The following MSI2 variants were observed in gnomAD, a reference collection of about 807,000 sequenced individuals.
The protein encoded by MSI2 is musashi RNA binding protein 2, also known as RNA-binding protein Musashi homolog 2.
Under a neutral mutation model 45.6 loss-of-function variants are expected in MSI2, and 17 were observed. The ratio of observed to expected loss-of-function variants is 0.37; its 90% CI spans 0.26 to 0.56. MSI2 has a LOEUF of 0.56. MSI2 is among the 20% of genes least tolerant of loss of function. MSI2 has a pLI of 0.77. For missense variants in MSI2, 293 were observed against 444.2 expected (o/e 0.66, Z 3.06); for synonymous variants, 156 against 158.2 (o/e 0.99, Z 0.11).
Position 57,529,810 on chromosome 17 carries a change from C to T in MSI2, c.454+86C>T. On this transcript the variant is annotated intron_variant, in intron 7 of 13. Transcript: ENST00000284073. The surrounding 1 kb of genome is among the most constrained non-coding windows in gnomAD (Gnocchi z 5.3). ...TCCCCAGTCCCACTGACAAAAGATA[C>T]AGTGAAGAGTCCAGAGTCAAGCAGG... is the stretch of plus-strand genomic sequence containing the variant. 3.5e-6 allele frequency: 4 copies of T among 1,132,856 alleles called. No individual in the cohort carries two copies. Among genetic ancestry groups the T allele is most frequent in the Non-Finnish European group, 5.2e-6 (4 of 770,924 alleles). 70.2% of individuals were successfully genotyped at this position (1,132,856 alleles called of 1,614,324 possible). A position where few individuals can be genotyped will look rare whatever the true frequency, so the allele number is the denominator to read the frequency against.
chr17:57,699,609 G>A, the MSI2 span, among the ~76,000 whole-genome samples: 1 of 152,074 alleles, frequency 6.6e-6, no homozygotes, highest in South Asian at 2.1e-4. Context: ...GTTCTTTGAT[G>A]GTCAGAATTG....
At chr17:57,365,712 A>G (rs1219521259) in intron 5 of MSI2, among the ~76,000 whole-genome samples, 1 of 152,122 alleles carries the variant, frequency 6.6e-6, no homozygotes, top group Non-Finnish European at 1.5e-5. Context: ...TAGTGTGAGA[A>G]AGGCTGGCAA....
At chr17:57,518,639 C>T (rs2086520511) in intron 6 of MSI2, among the ~76,000 whole-genome samples, 1 of 152,228 alleles carries the variant, frequency 6.6e-6, no homozygotes, top group South Asian at 2.1e-4. Flanking sequence ...TTGCCTCTCT[C>T]CTCTGGAGCT....
At chr17:57,439,939 G>C (rs1567824215) in intron 6 of MSI2, among the ~76,000 whole-genome samples, 1 of 152,062 alleles carries the variant, frequency 6.6e-6, no homozygotes, top group Non-Finnish European at 1.5e-5. Flanking sequence ...GTGATGCTTG[G>C]GGTGGGATAA....
At chr17:57,456,321 C>T (rs1455976532) in intron 6 of MSI2, among the ~76,000 whole-genome samples, 1 of 152,200 alleles carries the variant, frequency 6.6e-6, no homozygotes, top group Non-Finnish European at 1.5e-5. Context: ...AAGAACATCA[C>T]AGCTTTGGCC....
intron 10 of MSI2, among the ~76,000 whole-genome samples, chr17:57,648,162 TG>T (rs1424661010): frequency 8.6e-4 from 129 of 150,066 alleles, no homozygotes; most frequent in African/African-American, 3.1e-3. Context: ...TGTGTGTGTG[TG>T]TGTGTGTGTG....
intron 11 of MSI2, among the ~76,000 whole-genome samples, chr17:57,661,465 A>G (rs1194535882): frequency 6.6e-6 from 1 of 151,994 alleles, no homozygotes; most frequent in Non-Finnish European, 1.5e-5. Flanking sequence ...CAGGAGAGGG[A>G]GGTTCGTATT....
At chr17:57,604,739 A>C (rs147894527) in intron 8 of MSI2, among the ~76,000 whole-genome samples, 151 of 152,272 alleles carry the variant, frequency 9.9e-4, no homozygotes, top group Non-Finnish European at 1.8e-3. Context: ...GAAGGATAAG[A>C]AGGGAGGAGG....
chr17:57,632,212 TG>T lies in MSI2; in HGVS notation c.727+4913del, dbSNP rs367765148. 1,707 of 1,116,330 alleles carry T rather than the reference TG, an allele frequency of 1.5e-3. 19 individuals are homozygous for T. In the African/African-American group the frequency reaches 0.024, roughly 16 times the overall value. The allele number at this position is 1,116,330 out of a possible 1,614,324, so 69.2% of individuals were successfully genotyped here. A position where few individuals can be genotyped will look rare whatever the true frequency, so the allele number is the denominator to read the frequency against. Reference sequence around the variant, plus strand: ...AAACAGGCTTGTTGGGGACATATCATGGGGTGAGCTTTGAAGTGCTGGTGGT... The same window carrying T: ...AAACAGGCTTGTTGGGGACATATCATGGGTGAGCTTTGAAGTGCTGGTGGT... On this transcript the variant is annotated intron_variant, in intron 10 of 13. Transcript: ENST00000284073.
chr17:57,355,581 C>A (rs1334298206), intron 5 of MSI2, among the ~76,000 whole-genome samples: 1 of 152,208 alleles, frequency 6.6e-6, no homozygotes, highest in Non-Finnish European at 1.5e-5. Context: ...AACACAGACT[C>A]CTGAATTATA....
intron 5 of MSI2, among the ~76,000 whole-genome samples, chr17:57,384,929 G>T (rs962645476): frequency 6.6e-6 from 1 of 152,056 alleles, no homozygotes; most frequent in Non-Finnish European, 1.5e-5. Context: ...ATCTCAATTG[G>T]TGACACCACC....
At chr17:57,675,938 C>T (rs1913198510) in intron 12 of MSI2, among the ~76,000 whole-genome samples, 1 of 152,210 alleles carries the variant, frequency 6.6e-6, no homozygotes, top group South Asian at 2.1e-4. Context: ...CATGAATGTG[C>T]CTGAGCCCAC....
At chr17:57,355,879 C>G (rs765011461) in intron 5 of MSI2, among the ~76,000 whole-genome samples, 4 of 152,076 alleles carry the variant, frequency 2.6e-5, no homozygotes, top group Non-Finnish European at 5.9e-5. Flanking sequence ...ATGACATAGG[C>G]TATGTTTCCC....
intron 7 of MSI2, among the ~76,000 whole-genome samples, chr17:57,548,461 A>G (rs1382955946): frequency 2.0e-5 from 3 of 152,188 alleles, no homozygotes; most frequent in African/African-American, 7.2e-5. Flanking sequence ...AGAAAGGGTA[A>G]TTAATAGGCT....
chr17:57,569,873 G>C (rs576755794), intron 7 of MSI2, among the ~76,000 whole-genome samples: 31 of 152,280 alleles, frequency 2.0e-4, no homozygotes. Flanking sequence ...GTGCAGTGCA[G>C]GATCCTAAGA....
chr17:57,358,200 G>GTGTGT (rs1567778446), intron 5 of MSI2, among the ~76,000 whole-genome samples: 1,167 of 41,912 alleles, frequency 0.028, 10 homozygotes, highest in Middle Eastern at 0.053. Context: ...TGTGTGTGTG[G>GTGTGT]GGGGGTGTGT....
the MSI2 span, among the ~76,000 whole-genome samples, chr17:57,694,396 T>C: frequency 6.6e-6 from 1 of 152,170 alleles, no homozygotes; most frequent in Non-Finnish European, 1.5e-5. Flanking sequence ...GCTTGTGCCT[T>C]AGCCTTGTCC....
intron 6 of MSI2, among the ~76,000 whole-genome samples, chr17:57,459,839 A>T (rs1033940902): frequency 4.6e-5 from 7 of 151,846 alleles, no homozygotes; most frequent in African/African-American, 1.7e-4. Flanking sequence ...ACAAAAAATT[A>T]AAAAATTAGC....
intron 6 of MSI2, among the ~76,000 whole-genome samples, chr17:57,498,865 CCA>C (rs1307159260): frequency 4.6e-5 from 7 of 151,530 alleles, no homozygotes; most frequent in Middle Eastern, 3.4e-3. Context: ...TGTGCTGCAC[CCA>C]TTAACTCGTC....
Sources: gnomAD v4.1 joint callset for allele counts (sites outside exome capture counted in the v4.1 genomes callset) on GRCh38, gnomAD v4.1.1 for gene constraint, Gnocchi (gnomAD v3.1) non-coding constraint, MANE v1.5 for transcripts, NCBI Gene and HGNC (gene_info 2026-07-23, HGNC 2026-07-21) for gene names.